The following ANO2 variants were observed in gnomAD, a reference collection of about 807,000 sequenced individuals.
ANO2 encodes the protein anoctamin-2.
A neutral mutation model predicts 124.2 loss-of-function variants in ANO2; 101 were observed. The ratio of observed to expected loss-of-function variants is 0.81; its 90% CI spans 0.69 to 0.96. ANO2 has a LOEUF of 0.96. Ranked by LOEUF, ANO2 falls within the 40% of genes least tolerant of loss-of-function variation. The pLI, the probability that ANO2 is intolerant of heterozygous loss-of-function variation, is 0.00. For synonymous variants in ANO2, 486 were observed against 482.5 expected (o/e 1.01, Z -0.09); for missense variants, 1,293 against 1,274.5 (o/e 1.01, Z -0.22).
intron 15 of ANO2, among the ~76,000 whole-genome samples, chr12:5,641,388 T>G (rs1489245059): frequency 6.6e-6 from 1 of 151,240 alleles, no homozygotes; most frequent in Non-Finnish European, 1.5e-5. Context: ...AATTAAAAAT[T>G]AAAAAATAAA....
chr12:5,692,632 C>T (rs1196281727), intron 14 of ANO2, among the ~76,000 whole-genome samples: 2 of 152,156 alleles, frequency 1.3e-5, no homozygotes, highest in South Asian at 2.1e-4. Context: ...TTCACAGTGC[C>T]CAAGTGTGGG....
intron 20 of ANO2, among the ~76,000 whole-genome samples, chr12:5,593,469 G>C (rs1943509138): frequency 6.6e-6 from 1 of 152,214 alleles, no homozygotes; most frequent in Admixed American, 6.5e-5. Flanking sequence ...GGAGTGTTTA[G>C]AGCTCAGGCT....
intron 10 of ANO2, among the ~76,000 whole-genome samples, chr12:5,786,195 C>A (rs1044693454): frequency 3.3e-5 from 5 of 152,136 alleles, no homozygotes; most frequent in Admixed American, 3.3e-4. Flanking sequence ...GCCCTGCCCC[C>A]AGACCAGCTT....
At chr12:5,572,614 C>T (rs763599444) in intron 23 of ANO2, among the ~76,000 whole-genome samples, 12 of 152,166 alleles carry the variant, frequency 7.9e-5, no homozygotes, top group Non-Finnish European at 1.5e-4. Flanking sequence ...CACTATATCT[C>T]GCTCCCTATT....
intron 9 of ANO2, among the ~76,000 whole-genome samples, chr12:5,804,597 C>T (rs1224431712): frequency 3.9e-5 from 6 of 152,166 alleles, no homozygotes; most frequent in Non-Finnish European, 5.9e-5. Context: ...ACCTATTCTA[C>T]CAGGTGGAGT....
At chr12:5,860,565 C>A (rs966476004) in intron 3 of ANO2, among the ~76,000 whole-genome samples, 82 of 152,188 alleles carry the variant, frequency 5.4e-4, no homozygotes, top group African/African-American at 1.9e-3. Flanking sequence ...CCATGGCCCA[C>A]AAAGTAATTG....
In ANO2 at chr12:5,575,979, G is replaced by T. The variant is rs1001453035; in HGVS notation, c.2476C>A (p.Arg826Ser). 6.2e-7 allele frequency: 1 copy of T among 1,611,584 alleles called. No individual in the cohort carries two copies. Among genetic ancestry groups the T allele is most frequent in the Admixed American group, 1.7e-5 (1 of 59,652 alleles). Residue 826 changes from arginine (R) to serine (S), a missense_variant, in exon 23 of 25, where the codon CGC (arginine) becomes AGC (serine). Coordinates refer to ENST00000682330, the MANE Select transcript of ANO2 (RefSeq NM_001364791.2). ...CTGTAGGAGTACTGGTACACCAGGC[G>T]GGGGATAAAGTCGGAGGTGATCGCA... Reference protein sequence around the residue: ...VIAITSDFIPRLVYQYSYSHN... With the variant: ...VIAITSDFIPSLVYQYSYSHN...
chr12:5,937,586 T>C (rs1591816025), intron 1 of ANO2, among the ~76,000 whole-genome samples: 1 of 152,358 alleles, frequency 6.6e-6, no homozygotes, highest in Non-Finnish European at 1.5e-5. Context: ...TAGTAAGTTT[T>C]ATGGTATACT....
At chr12:5,941,298 GAA>G (rs1565799378) in intron 1 of ANO2, among the ~76,000 whole-genome samples, 1 of 152,106 alleles carries the variant, frequency 6.6e-6, no homozygotes, top group Non-Finnish European at 1.5e-5. Flanking sequence ...GGAATTCCTA[GAA>G]TTAAAAATTA....
chr12:5,744,805 G>A (rs1454625742), intron 11 of ANO2, among the ~76,000 whole-genome samples: 2 of 152,304 alleles, frequency 1.3e-5, no homozygotes, highest in African/African-American at 4.8e-5. Flanking sequence ...GGCTAGACCT[G>A]TGCATGCTCT....
intron 20 of ANO2, among the ~76,000 whole-genome samples, chr12:5,592,489 G>T (rs150532328): frequency 8.5e-5 from 13 of 152,156 alleles, no homozygotes; most frequent in Non-Finnish European, 1.8e-4. Flanking sequence ...ACACACACGC[G>T]GGCCTGCAAG....
chr12:5,806,968 A>G (rs777067458), intron 8 of ANO2, among the ~76,000 whole-genome samples: 6 of 152,068 alleles, frequency 3.9e-5, no homozygotes, highest in Non-Finnish European at 8.8e-5. Context: ...ACCACCATCC[A>G]CCACCCTCAT....
At chr12:5,945,935 G>A (rs1943083218), upstream of ANO2, among the ~76,000 whole-genome samples, 1 of 152,226 alleles carries the variant, frequency 6.6e-6, no homozygotes, top group Non-Finnish European at 1.5e-5. Flanking sequence ...GATGATGGAA[G>A]CTCCATCCCC....
chr12:5,624,091 G>A (rs988927699), intron 16 of ANO2, among the ~76,000 whole-genome samples: 1 of 152,194 alleles, frequency 6.6e-6, no homozygotes, highest in African/African-American at 2.4e-5. Context: ...AGCACAGGGG[G>A]CCTATCCCTC....
rs149293414 is a variant in ANO2, at chr12:5,832,134, C to T, written c.785+318G>A. Reference sequence around the variant, plus strand: ...AGAAGGTTTTCCTACAGAAGATACACAGGTGTCTGACCACTTTCTCACACA... The same window carrying T: ...AGAAGGTTTTCCTACAGAAGATACATAGGTGTCTGACCACTTTCTCACACA... On this transcript the variant is annotated intron_variant, in intron 5 of 24. Coordinates refer to ENST00000682330, the MANE Select transcript of ANO2 (RefSeq NM_001364791.2). Among the ~76,000 whole-genome samples the T allele has an allele frequency of 4.7e-3, 719 of 152,320 alleles. 7 individuals carry two copies. Among genetic ancestry groups the T allele is most frequent in the African/African-American group, 0.016 (681 of 41,562 alleles).
In ANO2 at chr12:5,817,031, G is replaced by C. The variant is rs1454020873; in HGVS notation, c.893-9663C>G. On this transcript the variant is annotated intron_variant, in intron 7 of 24. Coordinates refer to ENST00000682330, the MANE Select transcript of ANO2 (RefSeq NM_001364791.2). ...AACTCAAAAACAACAACAAAATCCTGACATTTGACTTTGAGACATCACCAA... is the reference window on the plus strand; with the variant it reads ...AACTCAAAAACAACAACAAAATCCTCACATTTGACTTTGAGACATCACCAA... 2.0e-5 allele frequency among the ~76,000 whole-genome samples: 3 copies of C among 152,076 alleles called. No homozygotes were observed. The East Asian group carries it at 5.8e-4, about 29-fold the overall frequency.
chr12:5,913,054 T>C (rs1206063012), intron 3 of ANO2, among the ~76,000 whole-genome samples: 5 of 152,146 alleles, frequency 3.3e-5, no homozygotes, highest in East Asian at 1.9e-4. Flanking sequence ...CCCCATCCCA[T>C]AGAAATACAC....
chr12:5,602,549 C>CGGCCTG (rs766377864), intron 19 of ANO2, among the ~76,000 whole-genome samples: 7 of 152,250 alleles, frequency 4.6e-5, no homozygotes, highest in African/African-American at 7.2e-5. Context: ...CCACCACACC[C>CGGCCTG]GGCCTGAAAC....
intron 14 of ANO2, among the ~76,000 whole-genome samples, chr12:5,706,382 T>C (rs536241785): frequency 7.2e-5 from 11 of 152,230 alleles, no homozygotes; most frequent in African/African-American, 2.6e-4. Context: ...CCTGTCACAC[T>C]GGACGCCTGA....
Sources: allele counts gnomAD v4.1 joint callset (sites outside exome capture counted in the v4.1 genomes callset), GRCh38; gene constraint gnomAD v4.1.1; transcripts MANE v1.5; gene names NCBI Gene and HGNC (gene_info 2026-07-23, HGNC 2026-07-21).